ANK3: variants seen among roughly 807,000 people sequenced by gnomAD.
ANK3 encodes the protein ankyrin-3.
In ANK3, 57 loss-of-function variants were observed where a neutral mutation model predicts 370.9. The ratio of observed to expected loss-of-function variants is 0.15; its 90% confidence interval spans 0.12 to 0.19. The LOEUF (loss-of-function observed/expected upper bound fraction) is 0.19, where lower values mean the gene tolerates loss of function less well. Among genes scored for constraint, ANK3 ranks in the 10% least tolerant of loss-of-function variants. ANK3 has a pLI of 1.00. For missense variants in ANK3, 4,439 were observed against 5,302.1 expected (o/e 0.84, Z 5.06); for synonymous variants, 1,929 against 1,946.3 (o/e 0.99, Z 0.23).
intron 2 of ANK3, among the ~76,000 whole-genome samples, chr10:60,437,783 C>T (rs750286835): frequency 1.7e-4 from 26 of 152,106 alleles, no homozygotes; most frequent in Non-Finnish European, 5.9e-5. Context: ...GATCTTTTCA[C>T]CCTAATTGTC....
chr10:60,438,682 A>T (rs1011415410), intron 2 of ANK3, among the ~76,000 whole-genome samples: 1 of 152,246 alleles, frequency 6.6e-6, no homozygotes, highest in African/African-American at 2.4e-5. Context: ...CAAAACCTCA[A>T]TGGAGCCTTG....
chr10:60,697,504 T>C (rs2079477931), intron 1 of ANK3, among the ~76,000 whole-genome samples: 3 of 150,634 alleles, frequency 2.0e-5, no homozygotes, highest in Admixed American at 6.6e-5. Context: ...CTTCAAACTA[T>C]ACTTCAAGGC....
chr10:60,493,923 T>C (rs2075589352), intron 2 of ANK3, among the ~76,000 whole-genome samples: 1 of 152,160 alleles, frequency 6.6e-6, no homozygotes, highest in African/African-American at 2.4e-5. Flanking sequence ...ACTGCCCAAC[T>C]TCCCTTCCAC....
At chr10:60,142,695 T>A (rs2094621498) in intron 23 of ANK3, among the ~76,000 whole-genome samples, 1 of 151,758 alleles carries the variant, frequency 6.6e-6, no homozygotes, top group South Asian at 2.1e-4. Context: ...GGGGTAGGAG[T>A]GGGAGTTGTC....
chr10:60,068,990 G>A lies in ANK3; in HGVS notation c.11891C>T (p.Thr3964Ile). The A allele has an allele frequency of 6.2e-7, 1 of 1,613,868 alleles. No individual in the cohort carries two copies. Among genetic ancestry groups the A allele is most frequent in the Non-Finnish European group, 8.5e-7 (1 of 1,179,936 alleles). The change falls in exon 37 of 44, where the codon ACC (threonine) becomes ATC (isoleucine). Residue 3964 changes from threonine to isoleucine, a missense_variant. By Grantham distance (89) the Thr-to-Ile change is moderately conservative. Coordinates refer to ENST00000280772, the MANE Select transcript of ANK3 (RefSeq NM_020987.5). ...GGTAGTGGTGGTGGTGGTGGCAGTG[G>A]TGGTGGTGGTAGTGACACAGGTGGA... ...VRSTCVTTTT[T>I]TATTTTTTTT... is the part of the protein sequence containing the mutation.
intron 16 of ANK3, among the ~76,000 whole-genome samples, chr10:60,194,122 A>G (rs992218491): frequency 3.3e-5 from 5 of 152,252 alleles, no homozygotes; most frequent in Admixed American, 1.3e-4. Context: ...CTCCGTCTCA[A>G]AAAAAAGAAA....
intron 21 of ANK3, among the ~76,000 whole-genome samples, chr10:60,172,107 A>G (rs1333154205): frequency 6.6e-6 from 1 of 152,228 alleles, no homozygotes; most frequent in East Asian, 1.9e-4. Context: ...CATCTTTTAA[A>G]TAGGTATTCT....
At chr10:60,556,290 G>A (rs1483869357) in intron 2 of ANK3, among the ~76,000 whole-genome samples, 6 of 152,166 alleles carry the variant, frequency 3.9e-5, no homozygotes, top group African/African-American at 4.8e-5. Context: ...TCTATTTTCC[G>A]GCCTGCTGTA....
intron 42 of ANK3, among the ~76,000 whole-genome samples, chr10:60,047,828 T>C (rs959075461): frequency 2.0e-4 from 30 of 152,232 alleles, no homozygotes; most frequent in Non-Finnish European, 1.5e-4. Context: ...AACTCACGAC[T>C]GGTTAGTAAC....
chr10:60,522,692 TA>T (rs577379138), intron 2 of ANK3, among the ~76,000 whole-genome samples: 64 of 152,214 alleles, frequency 4.2e-4, no homozygotes, highest in African/African-American at 1.5e-3. Flanking sequence ...ATGGAGATAG[TA>T]ATATCCATTT....
Position 60,361,479 on chromosome 10 carries a change from C to T in ANK3, c.114+27946G>A, listed in dbSNP as rs144855622. 2.5e-3 allele frequency among the ~76,000 whole-genome samples: 381 copies of T among 152,252 alleles called. 1 individual carries two copies. Among genetic ancestry groups the T allele is most frequent in the Non-Finnish European group, 4.5e-3 (307 of 67,998 alleles). On this transcript the variant is annotated intron_variant, in intron 1 of 43. Coordinates refer to ENST00000280772, the MANE Select transcript of ANK3 (RefSeq NM_020987.5). ...GGAATAGAATTGTGAATTTAATTTT[C>T]GGTTTAACTCAAGACTTTTCAGAAA...
chr10:60,248,952 CA>C (rs1487116353), intron 7 of ANK3, among the ~76,000 whole-genome samples: 2 of 152,108 alleles, frequency 1.3e-5, no homozygotes, highest in Non-Finnish European at 2.9e-5. Context: ...AATTTCCAGC[CA>C]AAAGGAAACA....
chr10:60,126,591 G>A lies in ANK3; in HGVS notation c.2841+7680C>T, dbSNP rs139205784. On this transcript the variant is annotated intron_variant, in intron 25 of 43. Coordinates refer to ENST00000280772, the MANE Select transcript of ANK3 (RefSeq NM_020987.5). ...TAATCCTAGCTACTGGGGAGGCTGA[G>A]GCATGAAAACTGCTTGAATCCGGGA... 2.9e-3 allele frequency among the ~76,000 whole-genome samples: 445 copies of A among 152,010 alleles called. 3 individuals carry two copies. The highest frequency in any genetic ancestry group is 0.01 in the African/African-American group (415 of 41,446).
Position 60,072,895 on chromosome 10 carries a change from G to A in ANK3, c.7986C>T (p.Ala2662=), listed in dbSNP as rs147625375. 36 of 1,613,836 alleles carry A rather than the reference G, an allele frequency of 2.2e-5. No individual in the cohort carries two copies. The highest frequency in any genetic ancestry group is 3.3e-4 in the Middle Eastern group (2 of 6,084). Residue 2662 remains alanine, a synonymous_variant, in exon 37 of 44, where the codon GCC becomes GCT. Coordinates refer to ENST00000280772, the MANE Select transcript of ANK3 (RefSeq NM_020987.5). The part of the protein sequence containing the change: ...HGPDGQGFPK[A]EEKAPSLPSS... Reference sequence around the variant, plus strand: ...TGGGCAGACTGGGTGCCTTCTCCTCGGCCTTGGGGAAGCCTTGTCCATCAG... The same window carrying A: ...TGGGCAGACTGGGTGCCTTCTCCTCAGCCTTGGGGAAGCCTTGTCCATCAG...
intron 1 of ANK3, among the ~76,000 whole-genome samples, chr10:60,369,927 T>A (rs931425697): frequency 1.3e-5 from 2 of 152,136 alleles, no homozygotes; most frequent in African/African-American, 4.8e-5. Flanking sequence ...GTTAGAAAAT[T>A]AGTCTCATGG....
chr10:60,350,627 A>G (rs2056662991), intron 1 of ANK3, among the ~76,000 whole-genome samples: 1 of 151,906 alleles, frequency 6.6e-6, no homozygotes, highest in Non-Finnish European at 1.5e-5. Context: ...CTAATCGCTA[A>G]AGGAAAAGCA....
Position 60,063,176 on chromosome 10 carries a change from T to A in ANK3, c.12530A>T (p.Tyr4177Phe), listed in dbSNP as rs1400784880. 2.5e-6 allele frequency: 4 copies of A among 1,613,566 alleles called. No individual in the cohort carries two copies. In the African/African-American group the frequency reaches 5.3e-5, roughly 22 times the overall value. Residue 4177 changes from tyrosine to phenylalanine, a missense_variant, in exon 40 of 44, where the codon TAT (tyrosine) becomes TTT (phenylalanine). Coordinates refer to ENST00000280772, the MANE Select transcript of ANK3 (RefSeq NM_020987.5). Reference protein sequence around the residue: ...VTLLEGPIFDYGNISGTRSFA... With the variant: ...VTLLEGPIFDFGNISGTRSFA... ...ACTTCTGGTGCCTGAAATATTTCCA[T>A]AATCAAATATTGGTCCTTCTAGCAG...
At position 60,069,740 on chromosome 10, in the gene ANK3, A is replaced by G. The variant is rs755607925; in HGVS notation, c.11141T>C (p.Val3714Ala). The part of the protein sequence containing the change: ...KSAAATNTSK[V>A]DPKLRTPIKM... Reference sequence around the variant, plus strand: ...TATAGGCGTGCGCAACTTGGGGTCAACTTTAGAGGTGTTAGTGGCTGCTGC... The same window carrying G: ...TATAGGCGTGCGCAACTTGGGGTCAGCTTTAGAGGTGTTAGTGGCTGCTGC... The change falls in exon 37 of 44, where the codon GTT becomes GCT. Residue 3714 changes from valine (V) to alanine (A), a missense_variant. Val to Ala is a moderately conservative substitution (Grantham distance 64). This residue lies in a region of ANK3 where 496 missense variants were observed against 529.3 expected (regional missense o/e 0.94). Transcript: ENST00000280772. 3.3e-5 allele frequency: 53 copies of G among 1,613,888 alleles called. No individual in the cohort carries two copies. In the South Asian group the frequency reaches 5.1e-4, roughly 15 times the overall value.
At chr10:60,306,300 T>C (rs1213971048) in intron 1 of ANK3, among the ~76,000 whole-genome samples, 1 of 152,080 alleles carries the variant, frequency 6.6e-6, no homozygotes, top group Non-Finnish European at 1.5e-5. Context: ...AGTGAGAACA[T>C]TTGATACTTG....
Sources: allele counts gnomAD v4.1 joint callset (sites outside exome capture counted in the v4.1 genomes callset), GRCh38; gene constraint gnomAD v4.1.1; regional missense constraint gnomAD v4.1.1; transcripts MANE v1.5; gene names NCBI Gene and HGNC (gene_info 2026-07-23, HGNC 2026-07-21).